The following PTPRA variants were observed in gnomAD, a reference collection of about 807,000 sequenced individuals.
The protein encoded by PTPRA is protein tyrosine phosphatase receptor type A.
In PTPRA, 25 loss-of-function variants were observed where a neutral mutation model predicts 104.8. That is an observed-to-expected ratio of 0.24 (90% CI 0.17 to 0.33). The LOEUF (loss-of-function observed/expected upper bound fraction) is 0.33, where lower values mean the gene tolerates loss of function less well. Ranked by LOEUF, PTPRA falls within the 10% of genes least tolerant of loss-of-function variation. The pLI, the probability that PTPRA is intolerant of heterozygous loss-of-function variation, is 1.00. For synonymous variants in PTPRA, 323 were observed against 368.9 expected (o/e 0.88, Z 1.43); for missense variants, 765 against 1,015.3 (o/e 0.75, Z 3.35).
chr20:2,979,358 C>T (rs1310138998), intron 6 of PTPRA, among the ~76,000 whole-genome samples: 1 of 152,180 alleles, frequency 6.6e-6, no homozygotes, highest in Admixed American at 6.5e-5. Context: ...TTTGGACTCT[C>T]CTGTTGCACA....
intron 20 of PTPRA, among the ~76,000 whole-genome samples, chr20:3,030,676 CTTTTTT>C (rs1180681994): frequency 1.3e-4 from 9 of 67,730 alleles, no homozygotes; most frequent in South Asian, 5.7e-4. Flanking sequence ...TCTCCCTCTG[CTTTTTT>C]TTTTTTTTTT....
At chr20:2,986,956 A>G in intron 7 of PTPRA, 107 bp downstream of exon 7, 1 of 1,003,128 alleles carries the variant, frequency 1.0e-6, no homozygotes, top group Non-Finnish European at 1.6e-6. Context: ...AATGAATAGG[A>G]TAGAGGGGGA....
At position 3,026,835 on chromosome 20, in the gene PTPRA, C is replaced by T. The variant is rs2065169070; in HGVS notation, c.1708+55C>T. On this transcript the variant is annotated intron_variant, in intron 18 of 23. Transcript: ENST00000399903. ...TATTGCCCCATCCCTCAATTCCCTC[C>T]ACCCCTTCCATTTCTCAGGTACTAG... 5.7e-6 allele frequency: 8 copies of T among 1,409,670 alleles called. No individual in the cohort carries two copies. In the Admixed American group the frequency reaches 6.7e-5, roughly 12 times the overall value. The allele number at this position is 1,409,670 out of a possible 1,614,324, so 87.3% of individuals were successfully genotyped here.
chr20:2,991,680 C>T (rs562932162), intron 9 of PTPRA, among the ~76,000 whole-genome samples: 2 of 152,194 alleles, frequency 1.3e-5, no homozygotes, highest in East Asian at 1.9e-4. Flanking sequence ...CAGGTAAATT[C>T]GGATAGATAT....
intron 1 of PTPRA, among the ~76,000 whole-genome samples, chr20:2,914,348 T>C (rs1004040095): frequency 3.9e-5 from 6 of 152,164 alleles, no homozygotes; most frequent in African/African-American, 1.4e-4. Context: ...TCACTGCTCC[T>C]AGACTTTCTC....
intron 9 of PTPRA, among the ~76,000 whole-genome samples, chr20:2,993,518 A>C (rs1393203750): frequency 2.6e-5 from 4 of 152,216 alleles, no homozygotes; most frequent in Non-Finnish European, 5.9e-5. Flanking sequence ...TGCTCTTGCC[A>C]TGAGCAAGAA....
intron 20 of PTPRA, among the ~76,000 whole-genome samples, chr20:3,031,278 A>T (rs965799957): frequency 3.9e-5 from 6 of 151,986 alleles, no homozygotes; most frequent in African/African-American, 1.5e-4. Context: ...AAAGTAGGAG[A>T]AAAGACAGAA....
At chr20:2,895,134 G>A (rs1443414863) in intron 1 of PTPRA, among the ~76,000 whole-genome samples, 1 of 152,052 alleles carries the variant, frequency 6.6e-6, no homozygotes, top group Non-Finnish European at 1.5e-5. Flanking sequence ...GGAGTGCAGT[G>A]GTATAATCTT....
intron 2 of PTPRA, among the ~76,000 whole-genome samples, chr20:2,945,800 G>A (rs901558561): frequency 6.6e-6 from 1 of 151,580 alleles, no homozygotes; most frequent in African/African-American, 2.4e-5. Context: ...GTGGTGGCAG[G>A]TGCCTGTAAT....
chr20:3,032,812 C>G (rs78066937), intron 20 of PTPRA, among the ~76,000 whole-genome samples: 1 of 150,656 alleles, frequency 6.6e-6, no homozygotes, highest in Non-Finnish European at 1.5e-5. Flanking sequence ...GTTCTCTGTT[C>G]GCTCTGTTCC....
chr20:2,928,323 G>A (rs919559835), intron 2 of PTPRA, among the ~76,000 whole-genome samples: 2 of 152,042 alleles, frequency 1.3e-5, no homozygotes, highest in Non-Finnish European at 2.9e-5. Flanking sequence ...TTTTAGTAGA[G>A]ATGGAGTTTC....
In PTPRA at chr20:2,996,079, C is replaced by G. The variant is rs144349842; in HGVS notation, c.738+7605C>G. 5.6e-3 allele frequency among the ~76,000 whole-genome samples: 846 copies of G among 152,284 alleles called. 4 individuals carry two copies. Among genetic ancestry groups the G allele is most frequent in the Middle Eastern group, 0.014 (4 of 294 alleles). On this transcript the variant is annotated intron_variant, in intron 9 of 23. Coordinates refer to ENST00000399903, the MANE Select transcript of PTPRA (RefSeq NM_001385305.1). ...CCCCTAGCAGTCTCTCAACTACAAC[C>G]CACTCTGATAGTAATTGCTAAATCA...
chr20:2,866,204 C>T, the PTPRA span: 1 of 1,613,954 alleles, frequency 6.2e-7, no homozygotes, highest in Non-Finnish European at 8.5e-7. Context: ...CGCTTCCTCT[C>T]CTCCAAGCCT....
chr20:2,923,146 G>A lies in PTPRA; in HGVS notation c.-128-61G>A, dbSNP rs142538449. 256 of 741,494 alleles carry A rather than the reference G, an allele frequency of 3.5e-4. 1 individual carries two copies. The African/African-American group carries it at 4.5e-3, about 13-fold the overall frequency. 45.9% of individuals were successfully genotyped at this position (741,494 alleles called of 1,614,324 possible). ...GCCTAGGCTGGGCTTGAATTCCTAAGCTAGAACAATCTGCTCAGGGATGTT... is the reference window on the plus strand; with the variant it reads ...GCCTAGGCTGGGCTTGAATTCCTAAACTAGAACAATCTGCTCAGGGATGTT... On this transcript the variant is annotated intron_variant, in intron 1 of 23. Coordinates refer to ENST00000399903, the MANE Select transcript of PTPRA (RefSeq NM_001385305.1).
chr20:2,967,719 G>A (rs1027247991), intron 5 of PTPRA, among the ~76,000 whole-genome samples: 1 of 152,088 alleles, frequency 6.6e-6, no homozygotes, highest in African/African-American at 2.4e-5. Flanking sequence ...AAATTAGCTG[G>A]GCATGGGTGC....
intron 1 of PTPRA, among the ~76,000 whole-genome samples, chr20:2,894,984 C>T (rs1198071855): frequency 7.6e-6 from 1 of 132,436 alleles, no homozygotes; most frequent in Non-Finnish European, 1.6e-5. Context: ...GAGACTCCTT[C>T]ACCCAAAAAA....
chr20:3,005,215 G>A (rs1568691547), intron 10 of PTPRA, 69 bp downstream of exon 10: 18 of 1,454,398 alleles, frequency 1.2e-5, no homozygotes, highest in Non-Finnish European at 1.7e-5. Flanking sequence ...TCTGAAGATG[G>A]AAAGAATCTT....
At chr20:2,977,037 G>A (rs2062460693) in intron 6 of PTPRA, among the ~76,000 whole-genome samples, 1 of 152,122 alleles carries the variant, frequency 6.6e-6, no homozygotes, top group Non-Finnish European at 1.5e-5. Context: ...CAGCACTTTG[G>A]GAGGCCAAGG....
At position 2,873,977 on chromosome 20, in the gene PTPRA, C is replaced by T. The variant is rs2089531638; in HGVS notation, c.-129+217C>T. Among the ~76,000 whole-genome samples the T allele has an allele frequency of 1.3e-5, 2 of 152,186 alleles. No individual in the cohort carries two copies. The highest frequency in any genetic ancestry group is 2.4e-5 in the African/African-American group (1 of 41,442). On this transcript the variant is annotated intron_variant, in intron 1 of 23. Coordinates refer to ENST00000399903, the MANE Select transcript of PTPRA (RefSeq NM_001385305.1). This position sits in a 1 kb window ranked among gnomAD's most constrained non-coding sequence, Gnocchi z 4.4. ...CCCCGGAAACGTGCCGGCCCGAGTG[C>T]CGACCCCTCGCGACTGCCCAGGAAC...
Sources: gnomAD v4.1 joint callset for allele counts (sites outside exome capture counted in the v4.1 genomes callset) on GRCh38, gnomAD v4.1.1 for gene constraint, Gnocchi (gnomAD v3.1) non-coding constraint, MANE v1.5 for transcripts, NCBI Gene and HGNC (gene_info 2026-07-23, HGNC 2026-07-21) for gene names.